VPS54: variants seen among roughly 807,000 people sequenced by gnomAD.
VPS54 encodes the protein vacuolar protein sorting-associated protein 54.
Under a neutral mutation model 121.5 loss-of-function variants are expected in VPS54, and 45 were observed. The ratio of observed to expected loss-of-function variants is 0.37; its 90% CI spans 0.29 to 0.47. The LOEUF is 0.47. Among genes scored for constraint, VPS54 ranks in the 20% least tolerant of loss-of-function variants. The pLI is 0.99. For missense variants in VPS54, 1,090 were observed against 1,131.4 expected (o/e 0.96, Z 0.52); for synonymous variants, 371 against 385.8 (o/e 0.96, Z 0.45).
At chr2:63,954,229 T>C (rs1266075207) in intron 7 of VPS54, among the ~76,000 whole-genome samples, 2 of 152,098 alleles carry the variant, frequency 1.3e-5, no homozygotes, top group African/African-American at 2.4e-5. Flanking sequence ...AAACTGTCAA[T>C]AACTACTTAG....
chr2:64,016,508 GTTAATGGATAAAGGTTT>G, intron 1 of VPS54, among the ~76,000 whole-genome samples: 1 of 152,016 alleles, frequency 6.6e-6, no homozygotes, highest in African/African-American at 2.4e-5. Context: ...GGGAGTAACT[GTTAATGGATAAAGGTTT>G]TTTGAGGGAA....
chr2:63,959,579 T>C (rs1675657458), intron 7 of VPS54, among the ~76,000 whole-genome samples: 1 of 152,128 alleles, frequency 6.6e-6, no homozygotes, highest in African/African-American at 2.4e-5. Context: ...CATCTGAAAG[T>C]CTTTTTAAAA....
chr2:63,924,324 T>C (rs1377981478), intron 12 of VPS54, among the ~76,000 whole-genome samples: 2 of 152,210 alleles, frequency 1.3e-5, no homozygotes, highest in Non-Finnish European at 2.9e-5. Context: ...TTCTGGCCAC[T>C]AGGATGTGAG....
chr2:63,966,124 A>T (rs1257365529), intron 5 of VPS54, among the ~76,000 whole-genome samples, 158 bp from the exon 6 acceptor site: 1 of 152,222 alleles, frequency 6.6e-6, no homozygotes, highest in Non-Finnish European at 1.5e-5. Context: ...AATATCTATA[A>T]GAAAAATGTG....
At position 63,914,216 on chromosome 2, in the gene VPS54, G is replaced by A; in HGVS notation, c.2300C>T (p.Thr767Ile). 6.2e-7 allele frequency: 1 copy of A among 1,613,614 alleles called. No homozygotes were observed. Among genetic ancestry groups the A allele is most frequent in the Non-Finnish European group, 8.5e-7 (1 of 1,179,700 alleles). The change falls in exon 17 of 23, where the codon ACT (threonine) becomes ATT (isoleucine). Residue 767 changes from threonine (T) to isoleucine (I), a missense_variant. Physicochemically the swap from Thr to Ile is moderately conservative, Grantham distance 89. This residue lies in a region of VPS54 where 289 missense variants were observed against 374.4 expected (regional missense o/e 0.77). Transcript: ENST00000272322. ...QCVDNIPSVT[T>I]DMLTRLSDLL... ...ATCTGACAGACGAGTAAGCATGTCA[G>A]TAGTAACAGATGGGATGTTATCCAC...
At chr2:63,973,103 C>A (rs946746600) in intron 3 of VPS54, among the ~76,000 whole-genome samples, 1 of 152,192 alleles carries the variant, frequency 6.6e-6, no homozygotes, top group African/African-American at 2.4e-5. Flanking sequence ...TCAGTTACTA[C>A]AGGACTGTTT....
intron 1 of VPS54, among the ~76,000 whole-genome samples, chr2:63,990,224 T>G (rs1177004800): frequency 6.6e-6 from 1 of 152,164 alleles, no homozygotes; most frequent in South Asian, 2.1e-4. Context: ...CACCTAACGA[T>G]GCTGAAAATT....
chr2:63,944,679 A>G, intron 9 of VPS54, 24 bp from the exon 10 acceptor site: 1 of 1,575,694 alleles, frequency 6.3e-7, no homozygotes, highest in Non-Finnish European at 8.7e-7. Flanking sequence ...GAAAAAACAA[A>G]AACAATTTGA....
At chr2:63,992,134 C>G (rs6758381) in intron 1 of VPS54, among the ~76,000 whole-genome samples, 58,246 of 152,052 alleles carry the variant, frequency 0.38, 11,846 homozygotes, top group Non-Finnish European at 0.44. Flanking sequence ...GTTTCCATTC[C>G]GGCCGGTGAC....
At position 63,942,530 on chromosome 2, in the gene VPS54, G is replaced by A. The variant is rs1674791004; in HGVS notation, c.1333C>T (p.Pro445Ser). ...TCCTTGAGCAGATCAAACCACTGGG[G>A]AAAATTCAACATTCTCATCTGATCT... ...LADQMRMLNF[P>S]QWFDLLKDIF... Residue 445 changes from proline to serine, a missense_variant, in exon 11 of 23, where the codon CCC becomes TCC. Transcript: ENST00000272322. 6.3e-7 allele frequency: 1 copy of A among 1,595,572 alleles called. No individual in the cohort carries two copies. The highest frequency in any genetic ancestry group is 8.5e-7 in the Non-Finnish European group (1 of 1,169,828).
intron 20 of VPS54, among the ~76,000 whole-genome samples, chr2:63,904,808 C>T (rs142280596): frequency 2.0e-5 from 3 of 152,126 alleles, no homozygotes; most frequent in African/African-American, 7.2e-5. Flanking sequence ...TTCTGGGCCA[C>T]AAAAGAAATC....
At chr2:64,008,837 T>C (rs566531793) in intron 1 of VPS54, among the ~76,000 whole-genome samples, 30 of 152,378 alleles carry the variant, frequency 2.0e-4, no homozygotes, top group African/African-American at 6.5e-4. Context: ...TATCTGACTA[T>C]ACAGTCAAAT....
At position 64,018,529 on chromosome 2, in the gene VPS54, C is replaced by T. The variant is rs1306318042; in HGVS notation, c.-21+409G>A. On this transcript the variant is annotated intron_variant, in intron 1 of 22. Coordinates refer to ENST00000272322, the MANE Select transcript of VPS54 (RefSeq NM_016516.3). ...GGTTAGCCTTCCCCGGAGAGAAAAA[C>T]AAACAAATGTTTTAACGATTCCAGT... Among the ~76,000 whole-genome samples the T allele has an allele frequency of 2.0e-5, 3 of 152,068 alleles. No individual in the cohort carries two copies. The East Asian group carries it at 5.8e-4, about 29-fold the overall frequency.
chr2:63,954,537 T>C (rs1042485487), intron 7 of VPS54, among the ~76,000 whole-genome samples: 1 of 152,092 alleles, frequency 6.6e-6, no homozygotes, highest in African/African-American at 2.4e-5. Flanking sequence ...CATCAATTCA[T>C]AGAAATATTC....
intron 17 of VPS54, chr2:63,913,928 AACG>A: frequency 7.9e-7 from 1 of 1,269,460 alleles, no homozygotes; most frequent in Non-Finnish European, 9.9e-7. Context: ...TTCAGCACCT[AACG>A]AACAAATCAT....
chr2:63,977,532 T>C (rs889996449), intron 3 of VPS54, among the ~76,000 whole-genome samples: 1 of 152,230 alleles, frequency 6.6e-6, no homozygotes, highest in Non-Finnish European at 1.5e-5. Flanking sequence ...TCATTTCTGT[T>C]ATACTATCTT....
Position 63,977,049 on chromosome 2 carries a change from G to A in VPS54, c.378+4597C>T, listed in dbSNP as rs373472653. Among the ~76,000 whole-genome samples, 115 of 151,884 alleles carry A rather than the reference G, an allele frequency of 7.6e-4. 1 individual carries two copies. Among genetic ancestry groups the A allele is most frequent in the African/African-American group, 2.4e-3 (99 of 41,438 alleles). ...TCATCATGTTGGCCAGGCTGGTCTCGAACTCCTGGCCTCAGGTGATCCACC... is the reference window on the plus strand; with the variant it reads ...TCATCATGTTGGCCAGGCTGGTCTCAAACTCCTGGCCTCAGGTGATCCACC... On this transcript the variant is annotated intron_variant, in intron 3 of 22. Transcript: ENST00000272322.
chr2:63,958,386 T>A (rs1383686609), intron 7 of VPS54, among the ~76,000 whole-genome samples: 5 of 152,176 alleles, frequency 3.3e-5, no homozygotes, highest in Admixed American at 6.5e-5. Flanking sequence ...GATGTTAGGT[T>A]AATAGTACAC....
intron 20 of VPS54, among the ~76,000 whole-genome samples, chr2:63,902,107 G>GC (rs1558978501): frequency 6.6e-6 from 1 of 152,184 alleles, no homozygotes; most frequent in Non-Finnish European, 1.5e-5. Context: ...GAAGTTGAGA[G>GC]CAGAAGTATG....
Sources: gnomAD v4.1 joint callset for allele counts (sites outside exome capture counted in the v4.1 genomes callset) on GRCh38, gnomAD v4.1.1 for gene constraint, gnomAD v4.1.1 regional missense constraint, MANE v1.5 for transcripts, NCBI Gene and HGNC (gene_info 2026-07-23, HGNC 2026-07-21) for gene names.